RYR3: variants seen among roughly 807,000 people sequenced by gnomAD.
The protein encoded by RYR3 is ryanodine receptor 3.
A neutral mutation model predicts 584.3 loss-of-function variants in RYR3; 207 were observed. That is an observed-to-expected ratio of 0.35 (90% CI 0.32 to 0.40). The LOEUF (loss-of-function observed/expected upper bound fraction) is 0.40, where lower values mean the gene tolerates loss of function less well. RYR3 is among the 10% of genes least tolerant of loss of function. The pLI is 1.00. For synonymous variants in RYR3, 2,416 were observed against 2,248.5 expected (o/e 1.07, Z -2.11); for missense variants, 5,616 against 6,089.2 (o/e 0.92, Z 2.59).
chr15:33,819,672 TCAAAAA>T, intron 76 of RYR3, 78 bp from the exon 77 acceptor site: 1 of 540,974 alleles, frequency 1.8e-6, no homozygotes, highest in Non-Finnish European at 2.5e-6. Context: ...AAACTCTGTC[TCAAAAA>T]TAAATAAATA....
intron 20 of RYR3, among the ~76,000 whole-genome samples, chr15:33,624,792 A>C (rs893677663): frequency 1.4e-4 from 22 of 152,238 alleles, no homozygotes; most frequent in Non-Finnish European, 7.3e-5. Context: ...TTGAATCACT[A>C]TTCTAGGTGT....
intron 3 of RYR3, among the ~76,000 whole-genome samples, chr15:33,519,628 T>G (rs1034607445): frequency 2.4e-4 from 37 of 151,218 alleles, no homozygotes; most frequent in East Asian, 5.8e-4. Context: ...TTATGTTGTT[T>G]TTTTTTTTTC....
chr15:33,638,669 T>C (rs2061631732), intron 27 of RYR3, among the ~76,000 whole-genome samples: 1 of 152,204 alleles, frequency 6.6e-6, no homozygotes, highest in Non-Finnish European at 1.5e-5. Context: ...AGAGCAGTGG[T>C]CTAAAGCATA....
At position 33,620,226 on chromosome 15, in the gene RYR3, A is replaced by T. The variant is rs551964465; in HGVS notation, c.2358-3581A>T. On this transcript the variant is annotated intron_variant, in intron 19 of 103. Coordinates refer to ENST00000634891, the MANE Select transcript of RYR3 (RefSeq NM_001036.6). Reference sequence around the variant, plus strand: ...CCATGCAGCCCTTTCTCACACTGTCAGCTCTATCACCAGGAAAATGTGTCC... The same window carrying T: ...CCATGCAGCCCTTTCTCACACTGTCTGCTCTATCACCAGGAAAATGTGTCC... Among the ~76,000 whole-genome samples, 7 of 152,248 alleles carry T rather than the reference A, an allele frequency of 4.6e-5. 1 individual carries two copies. Among genetic ancestry groups the T allele is most frequent in the African/African-American group, 1.7e-4 (7 of 41,548 alleles).
intron 41 of RYR3, among the ~76,000 whole-genome samples, chr15:33,700,344 T>A (rs986294674): frequency 2.0e-5 from 3 of 152,212 alleles, no homozygotes; most frequent in Admixed American, 2.0e-4. Flanking sequence ...AATCCACCAC[T>A]ACCACTAGAA....
At position 33,577,213 on chromosome 15, in the gene RYR3, A is replaced by G. The variant is rs150239848; in HGVS notation, c.1269-2763A>G. On this transcript the variant is annotated intron_variant, in intron 12 of 103. Coordinates refer to ENST00000634891, the MANE Select transcript of RYR3 (RefSeq NM_001036.6). Reference sequence around the variant, plus strand: ...CTGCCCAAAGTAGTTAATAGATTCAATGCTATTCCCATTAAACTACCATTG... The same window carrying G: ...CTGCCCAAAGTAGTTAATAGATTCAGTGCTATTCCCATTAAACTACCATTG... 2.6e-3 allele frequency among the ~76,000 whole-genome samples: 399 copies of G among 152,342 alleles called. 11 individuals carry two copies. In the East Asian group the frequency reaches 0.057, roughly 22 times the overall value.
intron 42 of RYR3, among the ~76,000 whole-genome samples, chr15:33,702,028 T>A (rs1038185305): frequency 6.6e-6 from 1 of 152,308 alleles, no homozygotes; most frequent in East Asian, 1.9e-4. Flanking sequence ...TTATTCTGAA[T>A]GCTTCCCACA....
At chr15:33,517,954 G>T (rs892179249) in intron 3 of RYR3, among the ~76,000 whole-genome samples, 1 of 152,158 alleles carries the variant, frequency 6.6e-6, no homozygotes. Flanking sequence ...AACACCTACT[G>T]TATGTTCTTT....
chr15:33,403,868 TTAAC>T (rs1174436923), intron 1 of RYR3, among the ~76,000 whole-genome samples: 1 of 152,224 alleles, frequency 6.6e-6, no homozygotes, highest in African/African-American at 2.4e-5. Flanking sequence ...AGTTTATCCT[TTAAC>T]TAAATCTTGG....
intron 3 of RYR3, among the ~76,000 whole-genome samples, chr15:33,515,986 G>A (rs1282098220): frequency 6.6e-6 from 1 of 151,902 alleles, no homozygotes; most frequent in Non-Finnish European, 1.5e-5. Flanking sequence ...GAATTTCTAG[G>A]GTGTCTATTT....
chr15:33,757,344 G>A, intron 59 of RYR3, 131 bp from the exon 60 acceptor site: 1 of 989,570 alleles, frequency 1.0e-6, no homozygotes, highest in Admixed American at 2.5e-5. Flanking sequence ...GACCAAAGGG[G>A]TAGAATTTCC....
rs139786649 is a variant in RYR3, at chr15:33,516,306, C to T, written c.279+12568C>T. 2.0e-5 allele frequency among the ~76,000 whole-genome samples: 3 copies of T among 151,806 alleles called. No individual in the cohort carries two copies. The South Asian group carries it at 6.3e-4, about 32-fold the overall frequency. On this transcript the variant is annotated intron_variant, in intron 3 of 103. Coordinates refer to ENST00000634891, the MANE Select transcript of RYR3 (RefSeq NM_001036.6). ...CCTGTTTTTAACATACATGTATATC[C>T]CTCTAAACCAAAAGACTCGTATCTG...
At chr15:33,598,246 CAAAA>C in intron 16 of RYR3, among the ~76,000 whole-genome samples, 1 of 74,284 alleles carries the variant, frequency 1.3e-5, no homozygotes, top group Admixed American at 1.4e-4. Flanking sequence ...AAAAATTGCT[CAAAA>C]AAAAAAAAAA....
intron 2 of RYR3, among the ~76,000 whole-genome samples, 161 bp from the exon 3 acceptor site, chr15:33,503,470 T>G (rs1484879103): frequency 6.6e-6 from 1 of 152,236 alleles, no homozygotes; most frequent in African/African-American, 2.4e-5. Flanking sequence ...AGAAACCAGC[T>G]TAAAACCCAT....
In RYR3 at chr15:33,631,301, AT is replaced by A. The variant is rs200901254; in HGVS notation, c.2867+18del. The stretch of plus-strand genomic sequence containing the variant: ...GGTCAAACTGCCCAAAAAGTAGGTG[AT>A]TTTTTTTTTAATGGTTCAAGACTTT... On this transcript the variant is annotated intron_variant, in intron 23 of 103. Transcript: ENST00000634891. 3.9e-3 allele frequency: 5,217 copies of A among 1,348,846 alleles called. No homozygotes were observed. Among genetic ancestry groups the A allele is most frequent in the South Asian group, 4.8e-3 (333 of 69,438 alleles). The allele number at this position is 1,348,846 out of a possible 1,614,324, so 83.6% of individuals were successfully genotyped here. A position where few individuals can be genotyped will look rare whatever the true frequency, so the allele number is the denominator to read the frequency against.
At chr15:33,853,723 T>G (rs1047673668) in intron 96 of RYR3, 41 bp downstream of exon 96, 2 of 1,589,620 alleles carry the variant, frequency 1.3e-6, no homozygotes, top group Non-Finnish European at 1.7e-6. Flanking sequence ...GCAGCTAAAA[T>G]AGATAGATCT....
chr15:33,677,942 G>A lies in RYR3; in HGVS notation c.5860+7386G>A, dbSNP rs142383231. 1.6e-3 allele frequency among the ~76,000 whole-genome samples: 247 copies of A among 152,228 alleles called. 2 individuals are homozygous for A. Among genetic ancestry groups the A allele is most frequent in the African/African-American group, 5.6e-3 (234 of 41,536 alleles). On this transcript the variant is annotated intron_variant, in intron 38 of 103. Coordinates refer to ENST00000634891, the MANE Select transcript of RYR3 (RefSeq NM_001036.6). ...AGTCAGGAGGCTCCATATCCACTACGCCTTCTGGACACCACCTATTTATAG... is the reference window on the plus strand; with the variant it reads ...AGTCAGGAGGCTCCATATCCACTACACCTTCTGGACACCACCTATTTATAG...
chr15:33,364,227 T>C (rs1342342577), intron 1 of RYR3, among the ~76,000 whole-genome samples: 3 of 152,210 alleles, frequency 2.0e-5, no homozygotes, highest in Admixed American at 6.5e-5. Context: ...TTATATTACA[T>C]AGGTGCCTCA....
chr15:33,719,786 TAGG>T (rs995222915), intron 43 of RYR3, among the ~76,000 whole-genome samples: 3 of 152,220 alleles, frequency 2.0e-5, no homozygotes, highest in Non-Finnish European at 4.4e-5. Context: ...GTTCAACTGA[TAGG>T]AGAGCATGGG....
Sources: gnomAD v4.1 joint callset for allele counts (sites outside exome capture counted in the v4.1 genomes callset) on GRCh38, gnomAD v4.1.1 for gene constraint, MANE v1.5 for transcripts, NCBI Gene and HGNC (gene_info 2026-07-23, HGNC 2026-07-21) for gene names.